Variants in ASXL1 observed in about 807,000 individuals in gnomAD.
ASXL1 encodes the protein ASXL transcriptional regulator 1.
In ASXL1, 65 loss-of-function variants were observed where a neutral mutation model predicts 89.1. That is an observed-to-expected ratio of 0.73 (90% CI 0.60 to 0.90). ASXL1 has a LOEUF of 0.90. Ranked by LOEUF, ASXL1 falls within the 40% of genes least tolerant of loss-of-function variation. ASXL1 has a pLI of 0.00. For missense variants in ASXL1, 1,786 were observed against 1,942.9 expected, an observed-to-expected ratio of 0.92 and a Z score of 1.52; for synonymous variants, 739 against 746.9, an observed-to-expected ratio of 0.99 and a Z score of 0.17.
intron 4 of ASXL1, chr20:32,372,296 A>G (rs1376597729): frequency 8.1e-7 from 1 of 1,228,416 alleles, no homozygotes; most frequent in African/African-American, 1.5e-5. Context: ...TGCTAATTGA[A>G]TATTTGCTCA....
At chr20:32,434,320 T>C in intron 12 of ASXL1, 112 bp from the exon 13 acceptor site, 1 of 1,329,544 alleles carries the variant, frequency 7.5e-7, no homozygotes, top group South Asian at 1.2e-5. Context: ...AAGGAAATTA[T>C]TTGATTCTGT....
At chr20:32,375,519 A>G (rs949122838) in intron 4 of ASXL1, among the ~76,000 whole-genome samples, 10 of 152,124 alleles carry the variant, frequency 6.6e-5, no homozygotes, top group Admixed American at 4.6e-4. Flanking sequence ...ACACTCAAGA[A>G]ACTTAACATT....
intron 4 of ASXL1, among the ~76,000 whole-genome samples, chr20:32,395,873 G>C (rs1360234727): frequency 6.6e-6 from 1 of 151,890 alleles, no homozygotes; most frequent in Admixed American, 6.6e-5. Context: ...ATCTTGGCTC[G>C]CTGCAACCTC....
chr20:32,362,054 ACT>A (rs1428089401), intron 1 of ASXL1, among the ~76,000 whole-genome samples: 2 of 152,096 alleles, frequency 1.3e-5, no homozygotes, highest in African/African-American at 2.4e-5. Context: ...CGACAGTGAG[ACT>A]CTGTCTCAAA....
chr20:32,422,761 A>G (rs1488480322), intron 4 of ASXL1, among the ~76,000 whole-genome samples: 1 of 150,652 alleles, frequency 6.6e-6, no homozygotes, highest in Non-Finnish European at 1.5e-5. Flanking sequence ...TAATTTTTGT[A>G]TTTTTAGTAG....
chr20:32,416,048 A>G (rs1338554112), intron 4 of ASXL1, among the ~76,000 whole-genome samples: 1 of 152,232 alleles, frequency 6.6e-6, no homozygotes, highest in African/African-American at 2.4e-5. Flanking sequence ...TTTGATTTGT[A>G]GATTCAATGC....
Position 32,368,660 on chromosome 20 carries a change from T to C in ASXL1, c.144-355T>C, listed in dbSNP as rs192043066. ...TTGAAATATAGAGGCTAGGAAACTT[T>C]TAATAGTAAAATTTTACTAAAAATT... On this transcript the variant is annotated intron_variant, in intron 3 of 12. Transcript: ENST00000375687. Among the ~76,000 whole-genome samples, 1,327 of 152,322 alleles carry C rather than the reference T, an allele frequency of 8.7e-3. 21 individuals carry two copies. The highest frequency in any genetic ancestry group is 0.031 in the African/African-American group (1,270 of 41,576).
chr20:32,372,355 T>C, intron 4 of ASXL1: 1 of 1,144,774 alleles, frequency 8.7e-7, no homozygotes, highest in Admixed American at 4.5e-5. Flanking sequence ...TCCTTCATAG[T>C]ATCTTGTTCA....
intron 1 of ASXL1, among the ~76,000 whole-genome samples, chr20:32,364,954 A>G (rs2048181534): frequency 6.6e-6 from 1 of 152,184 alleles, no homozygotes; most frequent in Non-Finnish European, 1.5e-5. Flanking sequence ...GGGTCAGGTA[A>G]GAGACTGGTT....
intron 4 of ASXL1, among the ~76,000 whole-genome samples, chr20:32,388,976 G>A (rs917784686): frequency 7.2e-5 from 11 of 151,898 alleles, no homozygotes; most frequent in Non-Finnish European, 1.3e-4. Flanking sequence ...TCCAACCATC[G>A]TCAAACAAAA....
intron 4 of ASXL1, among the ~76,000 whole-genome samples, chr20:32,426,723 C>A (rs1004793495): frequency 2.0e-5 from 3 of 151,684 alleles, no homozygotes; most frequent in Non-Finnish European, 4.4e-5. Context: ...CCACACCTGG[C>A]TAATTTTTTG....
At position 32,377,160 on chromosome 20, in the gene ASXL1, TA is replaced by T. The variant is rs1444646195; in HGVS notation, c.252+8040del. On this transcript the variant is annotated intron_variant, in intron 4 of 12. Coordinates refer to ENST00000375687, the MANE Select transcript of ASXL1 (RefSeq NM_015338.6). ...ATATTATATATTATACAGATATCTA[TA>T]AATATATTATATATAATATATTATA... Among the ~76,000 whole-genome samples the T allele has an allele frequency of 1.4e-3, 196 of 144,224 alleles. 1 individual carries two copies. In the Middle Eastern group the frequency reaches 0.014, roughly 11 times the overall value. 94.6% of individuals were successfully genotyped at this position (144,224 alleles called of 152,430 possible).
rs758298660 is a variant in ASXL1 at position 32,433,277 on chromosome 20, T to A, written c.1086-7T>A. 1.2e-6 allele frequency: 2 copies of A among 1,613,990 alleles called. No individual in the cohort carries two copies. The highest frequency in any genetic ancestry group is 2.7e-5 in the African/African-American group (2 of 74,890). On this transcript the variant is annotated splice_polypyrimidine_tract_variant and splice_region_variant and intron_variant, in intron 11 of 12. Coordinates refer to ENST00000375687, the MANE Select transcript of ASXL1 (RefSeq NM_015338.6). ...CTGAAACTGATGGCTGTGATTTTGA[T>A]TTGCAGGCTGGGTTTGACCAAAGAA...
intron 4 of ASXL1, among the ~76,000 whole-genome samples, chr20:32,399,825 A>G (rs1026079326): frequency 7.6e-6 from 1 of 131,008 alleles, no homozygotes; most frequent in African/African-American, 3.0e-5. Flanking sequence ...GCAGTGGCAC[A>G]ATTTCAGCTC....
intron 4 of ASXL1, among the ~76,000 whole-genome samples, chr20:32,387,687 G>A (rs755686797): frequency 2.0e-4 from 31 of 152,194 alleles, no homozygotes; most frequent in Non-Finnish European, 2.8e-4. Context: ...GCAACGCTTA[G>A]ATCTCATCTT....
intron 4 of ASXL1, among the ~76,000 whole-genome samples, chr20:32,397,803 T>A (rs1490530191): frequency 6.6e-6 from 1 of 152,248 alleles, no homozygotes; most frequent in East Asian, 1.9e-4. Flanking sequence ...GTGTGCGACC[T>A]GCTGGCCGCA....
At chr20:32,431,716 C>G (rs1569321543) in intron 10 of ASXL1, 37 bp downstream of exon 10, 1 of 1,598,732 alleles carries the variant, frequency 6.3e-7, no homozygotes, top group Non-Finnish European at 8.5e-7. Context: ...GCTTGCGACG[C>G]ACCTGTCGTG....
At chr20:32,362,916 G>A (rs1043744250) in intron 1 of ASXL1, among the ~76,000 whole-genome samples, 1 of 152,110 alleles carries the variant, frequency 6.6e-6, no homozygotes, top group Non-Finnish European at 1.5e-5. Context: ...AATCGAGGAC[G>A]CTAAATGGAT....
intron 11 of ASXL1, 26 bp from the exon 12 acceptor site, chr20:32,433,258 C>G (rs2011582423): frequency 6.2e-7 from 1 of 1,613,960 alleles, no homozygotes; most frequent in Admixed American, 1.7e-5. Flanking sequence ...TGGCCTGAAA[C>G]TGATGGCTGT....
Sources: allele counts gnomAD v4.1 joint callset (sites outside exome capture counted in the v4.1 genomes callset), GRCh38; gene constraint gnomAD v4.1.1; transcripts MANE v1.5; gene names NCBI Gene and HGNC (gene_info 2026-07-23, HGNC 2026-07-21).